GNAI2: variants seen among roughly 807,000 people sequenced by gnomAD.
GNAI2 encodes the protein G protein subunit alpha i2.
Under a neutral mutation model 36.8 loss-of-function variants are expected in GNAI2, and 4 were observed. The observed-to-expected ratio is 0.11, with a 90% CI of 0.05 to 0.25. The LOEUF is 0.25. Ranked by LOEUF, GNAI2 falls within the 10% of genes least tolerant of loss-of-function variation. The pLI is 1.00. For missense variants in GNAI2, 230 were observed against 481.3 expected (o/e 0.48, Z 4.89); for synonymous variants, 194 against 194.1 (o/e 1.00, Z 0.01).
At chr3:50,239,607 T>A (rs1393524699) in intron 1 of GNAI2, 2 of 152,188 alleles carry the variant, frequency 1.3e-5, no homozygotes, top group Non-Finnish European at 2.9e-5. Context: ...TTGCATACTG[T>A]GGGCAGGTGG....
chr3:50,256,258 G>A lies in GNAI2; in HGVS notation c.531G>A (p.Arg177=), dbSNP rs1700701033. Residue 177 remains arginine, a synonymous_variant, in exon 5 of 9, where the codon CGG becomes CGA. Coordinates refer to ENST00000313601, the MANE Select transcript of GNAI2 (RefSeq NM_002070.4). ...DYIPTQQDVL[R]TRVKTTGIVE... is the part of the protein sequence containing the mutation. ...TCCCCACACAGCAAGATGTGCTACG[G>A]ACCCGCGTAAAGACCACGGGGATCG... 3 of 1,611,442 alleles carry A rather than the reference G, an allele frequency of 1.9e-6. No homozygotes were observed. Among genetic ancestry groups the A allele is most frequent in the Non-Finnish European group, 2.5e-6 (3 of 1,177,858 alleles).
At chr3:50,243,897 C>G (rs1415733831) in intron 1 of GNAI2, among the ~76,000 whole-genome samples, 2 of 152,108 alleles carry the variant, frequency 1.3e-5, no homozygotes, top group African/African-American at 2.4e-5. Flanking sequence ...CCTATGGGCC[C>G]TGGCTTTCGG....
chr3:50,237,057 G>C (rs981934527), intron 1 of GNAI2, among the ~76,000 whole-genome samples: 1 of 152,200 alleles, frequency 6.6e-6, no homozygotes, highest in Non-Finnish European at 1.5e-5. Flanking sequence ...CCTGCTCCCT[G>C]CTTCCTGCCC....
intron 1 of GNAI2, among the ~76,000 whole-genome samples, chr3:50,244,760 T>C (rs1700376850): frequency 6.6e-6 from 1 of 152,088 alleles, no homozygotes; most frequent in Admixed American, 6.6e-5. Flanking sequence ...TTCCTAGGGG[T>C]TCTGCTGTGT....
chr3:50,255,879 C>T lies in GNAI2; in HGVS notation c.465-313C>T, dbSNP rs1381169353. Reference sequence around the variant, plus strand: ...CATCCTGGCCAACATGGTGAAACCCCGTCTCTACTAAAAATACAAAAATTA... The same window carrying T: ...CATCCTGGCCAACATGGTGAAACCCTGTCTCTACTAAAAATACAAAAATTA... On this transcript the variant is annotated intron_variant, in intron 4 of 8. Transcript: ENST00000313601. The surrounding 1 kb of genome is among the most constrained non-coding windows in gnomAD (Gnocchi z 4.0). Among the ~76,000 whole-genome samples, 1 of 151,630 alleles carries T rather than the reference C, an allele frequency of 6.6e-6. No homozygotes were observed. Among genetic ancestry groups the T allele is most frequent in the Non-Finnish European group, 1.5e-5 (1 of 67,908 alleles).
chr3:50,243,239 G>A (rs1415911212), intron 1 of GNAI2, among the ~76,000 whole-genome samples: 1 of 152,244 alleles, frequency 6.6e-6, no homozygotes, highest in African/African-American at 2.4e-5. Context: ...CAACCATCGG[G>A]CCCAAGATCC....
In GNAI2 at chr3:50,255,117, A is replaced by G. The variant is rs1365433322; in HGVS notation, c.465-1075A>G. 2.0e-5 allele frequency among the ~76,000 whole-genome samples: 3 copies of G among 151,842 alleles called. No homozygotes were observed. Among genetic ancestry groups the G allele is most frequent in the Non-Finnish European group, 4.4e-5 (3 of 67,946 alleles). ...CCTGTTTTTCTGTTTTGTCCCTGCT[A>G]CTCTGAGATCATTTCCCTCTGGCCT... On this transcript the variant is annotated intron_variant, in intron 4 of 8. Transcript: ENST00000313601. The surrounding 1 kb of genome is among the most constrained non-coding windows in gnomAD (Gnocchi z 4.0).
Position 50,247,954 on chromosome 3 carries a change from G to T in GNAI2, c.119-4146G>T, listed in dbSNP as rs12634557. Among the ~76,000 whole-genome samples the T allele has an allele frequency of 8.2e-4, 125 of 152,360 alleles. 1 individual carries two copies. In the East Asian group the frequency reaches 0.016, roughly 19 times the overall value. ...CATCTTTGCAGAAATCTGGACTCAG[G>T]CTGGACGCGGTGGCTCACGCCTGTA... On this transcript the variant is annotated intron_variant, in intron 1 of 8. Coordinates refer to ENST00000313601, the MANE Select transcript of GNAI2 (RefSeq NM_002070.4).
rs1282824206 is a variant in GNAI2, at chr3:50,259,251, C to T, written c.*908C>T. ...GGGCCACGCCCCTCATGCCCTTGTCCCAGGCCCGGGGCCTTCAGCGTTGAA... is the reference window on the plus strand; with the variant it reads ...GGGCCACGCCCCTCATGCCCTTGTCTCAGGCCCGGGGCCTTCAGCGTTGAA... On this transcript the variant is annotated 3_prime_UTR_variant, in exon 9 of 9. Coordinates refer to ENST00000313601, the MANE Select transcript of GNAI2 (RefSeq NM_002070.4). The T allele has an allele frequency of 5.3e-6, 1 of 190,464 alleles. No individual in the cohort carries two copies. The highest frequency in any genetic ancestry group is 2.4e-5 in the African/African-American group (1 of 42,322). 11.8% of individuals were successfully genotyped at this position (190,464 alleles called of 1,614,324 possible). A position where few individuals can be genotyped will look rare whatever the true frequency, so the allele number is the denominator to read the frequency against.
chr3:50,258,761 C>T lies in GNAI2; in HGVS notation c.*418C>T, dbSNP rs868954391. ...CCCAAGTCCAAATGTTTACAGGGAG[C>T]CTCCTGCCCAGTCCCCCAACCCCAG... On this transcript the variant is annotated 3_prime_UTR_variant, in exon 9 of 9. Transcript: ENST00000313601. 6 of 367,984 alleles carry T rather than the reference C, an allele frequency of 1.6e-5. No individual in the cohort carries two copies. The highest frequency in any genetic ancestry group is 1.1e-4 in the South Asian group (5 of 47,430). 22.8% of individuals were successfully genotyped at this position (367,984 alleles called of 1,614,324 possible).
chr3:50,233,803 G>A (rs1241650415), upstream of GNAI2, among the ~76,000 whole-genome samples: 2 of 151,976 alleles, frequency 1.3e-5, no homozygotes, highest in African/African-American at 4.8e-5. Flanking sequence ...CCCTCAACAA[G>A]AGAGACATTC....
At chr3:50,251,537 G>A in intron 1 of GNAI2, 1 of 1,170,100 alleles carries the variant, frequency 8.5e-7, no homozygotes, top group Non-Finnish European at 1.1e-6. Context: ...ATCTGCTCAG[G>A]GCAGACCTGA....
intron 1 of GNAI2, among the ~76,000 whole-genome samples, chr3:50,250,184 G>T (rs1262174063): frequency 6.6e-6 from 1 of 152,194 alleles, no homozygotes; most frequent in Non-Finnish European, 1.5e-5. Flanking sequence ...CAGTTGGTGG[G>T]TGTCATTGAT....
At chr3:50,251,730 C>A in intron 1 of GNAI2, 1 of 1,322,172 alleles carries the variant, frequency 7.6e-7, no homozygotes, top group Non-Finnish European at 9.9e-7. Flanking sequence ...TATTGGCATG[C>A]ACCAGCTGCA....
chr3:50,232,793 G>T (rs1357291560), upstream of GNAI2, among the ~76,000 whole-genome samples: 4 of 152,032 alleles, frequency 2.6e-5, no homozygotes, highest in Non-Finnish European at 5.9e-5. Flanking sequence ...GAGATAGTGG[G>T]GACAGAGAAC....
chr3:50,242,923 G>A lies in GNAI2; in HGVS notation c.118+6470G>A, dbSNP rs945957588. 6.6e-6 allele frequency among the ~76,000 whole-genome samples: 1 copy of A among 152,210 alleles called. No homozygotes were observed. Among genetic ancestry groups the A allele is most frequent in the East Asian group, 1.9e-4 (1 of 5,198 alleles). ...CTACTGTGTGTGCCCCCGGCGGGAG[G>A]AGGAGGTAATGAAGTCTGCACGACA... On this transcript the variant is annotated intron_variant, in intron 1 of 8. Coordinates refer to ENST00000313601, the MANE Select transcript of GNAI2 (RefSeq NM_002070.4). This position sits in a 1 kb window ranked among gnomAD's most constrained non-coding sequence, Gnocchi z 4.8.
At chr3:50,249,505 C>T (rs1329232757) in intron 1 of GNAI2, among the ~76,000 whole-genome samples, 1 of 152,062 alleles carries the variant, frequency 6.6e-6, no homozygotes, top group African/African-American at 2.4e-5. Context: ...TGGTATATAT[C>T]CCGGTACACA....
Position 50,259,287 on chromosome 3 carries a change from C to T in GNAI2, c.*944C>T, listed in dbSNP as rs587761570. The T allele has an allele frequency of 6.1e-6, 1 of 163,956 alleles. No homozygotes were observed. Among genetic ancestry groups the T allele is most frequent in the South Asian group, 1.4e-4 (1 of 7,350 alleles). The allele number at this position is 163,956 out of a possible 1,614,324, so 10.2% of individuals were successfully genotyped here. ...GCCTTCAGCGTTGAACACTTCCTTGCTTTTTTCACATGTTTTATGGAATTG... is the reference window on the plus strand; with the variant it reads ...GCCTTCAGCGTTGAACACTTCCTTGTTTTTTTCACATGTTTTATGGAATTG... On this transcript the variant is annotated 3_prime_UTR_variant, in exon 9 of 9. Coordinates refer to ENST00000313601, the MANE Select transcript of GNAI2 (RefSeq NM_002070.4).
intron 1 of GNAI2, among the ~76,000 whole-genome samples, chr3:50,245,960 C>T (rs1700409701): frequency 6.6e-6 from 1 of 152,168 alleles, no homozygotes; most frequent in African/African-American, 2.4e-5. Flanking sequence ...GGTGTGGAGT[C>T]TGTTGGTCTG....
Sources: gnomAD v4.1 joint callset for allele counts (sites outside exome capture counted in the v4.1 genomes callset) on GRCh38, gnomAD v4.1.1 for gene constraint, Gnocchi (gnomAD v3.1) non-coding constraint, MANE v1.5 for transcripts, NCBI Gene and HGNC (gene_info 2026-07-23, HGNC 2026-07-21) for gene names.